SPTBN1: variants seen among roughly 807,000 people sequenced by gnomAD.
SPTBN1 encodes the protein spectrin beta, non-erythrocytic 1, also known as spectrin beta chain, non-erythrocytic 1.
SPTBN1 carries 32 observed loss-of-function variants against 266.4 expected under a neutral mutation model. The ratio of observed to expected loss-of-function variants is 0.12; its 90% CI spans 0.09 to 0.16. The LOEUF (loss-of-function observed/expected upper bound fraction) is 0.16. SPTBN1 is among the 10% of genes least tolerant of loss of function. The probability of loss-of-function intolerance (pLI) is 1.00; values close to 1 mark genes in which losing one functional copy is unlikely to be tolerated. For missense variants in SPTBN1, 2,296 were observed against 3,067.1 expected, an observed-to-expected ratio of 0.75 and a Z score of 5.94; for synonymous variants, 1,336 against 1,162.2, an observed-to-expected ratio of 1.15 and a Z score of -3.04.
chr2:54,625,884 C>A, intron 11 of SPTBN1, 48 bp from the exon 12 acceptor site: 1 of 1,571,682 alleles, frequency 6.4e-7, no homozygotes, highest in Non-Finnish European at 8.6e-7. Flanking sequence ...AGCTACTGTG[C>A]CCGGGTGGAT....
intron 30 of SPTBN1, among the ~76,000 whole-genome samples, chr2:54,658,363 T>A (rs1045216418): frequency 5.9e-5 from 9 of 152,166 alleles, no homozygotes; most frequent in South Asian, 2.1e-4. Flanking sequence ...AAAGCTTTGT[T>A]CTCAAGGGGG....
intron 24 of SPTBN1, 151 bp from the exon 25 acceptor site, chr2:54,648,835 T>A: frequency 1.3e-6 from 1 of 769,244 alleles, no homozygotes; most frequent in Non-Finnish European, 2.0e-6. Context: ...TTTCAGAATT[T>A]TATTTTTCAT....
chr2:54,524,016 T>G (rs561916939), intron 1 of SPTBN1, among the ~76,000 whole-genome samples: 170 of 152,172 alleles, frequency 1.1e-3, no homozygotes, highest in Middle Eastern at 3.4e-3. Flanking sequence ...CTGGCCAATA[T>G]AGTGAAACCC....
At chr2:54,619,492 G>A (rs958993191) in intron 7 of SPTBN1, among the ~76,000 whole-genome samples, 7 of 152,142 alleles carry the variant, frequency 4.6e-5, no homozygotes, top group African/African-American at 1.7e-4. Flanking sequence ...AGTATGAAAA[G>A]GGGGATTGAT....
Position 54,637,110 on chromosome 2 carries a change from C to A in SPTBN1, c.3768-603C>A, listed in dbSNP as rs758561528. Among the ~76,000 whole-genome samples, 11 of 152,300 alleles carry A rather than the reference C, an allele frequency of 7.2e-5. No individual in the cohort carries two copies. The South Asian group carries it at 2.1e-3, about 29-fold the overall frequency. Reference sequence around the variant, plus strand: ...ATTCAGCAGCTCTTTCCAGTTCTTACAAGTTATTTATTTAAGGTTTTGTGT... The same window carrying A: ...ATTCAGCAGCTCTTTCCAGTTCTTAAAAGTTATTTATTTAAGGTTTTGTGT... On this transcript the variant is annotated intron_variant, in intron 17 of 35. Coordinates refer to ENST00000356805, the MANE Select transcript of SPTBN1 (RefSeq NM_003128.3).
chr2:54,494,892 A>T (rs866477373), intron 1 of SPTBN1, among the ~76,000 whole-genome samples: 1 of 146,894 alleles, frequency 6.8e-6, no homozygotes, highest in African/African-American at 2.6e-5. Context: ...TATATCAGTT[A>T]TACCTGAATA....
Position 54,646,355 on chromosome 2 carries a change from G to A in SPTBN1, c.4746G>A (p.Glu1582=). The change falls in exon 23 of 36, where the codon GAG becomes GAA. Residue 1582 remains glutamate, a synonymous_variant. Coordinates refer to ENST00000356805, the MANE Select transcript of SPTBN1 (RefSeq NM_003128.3). The surrounding 1 kb of genome is among the most constrained non-coding windows in gnomAD (Gnocchi z 4.4). ...GGGGTCTCCTCATTGAGGAGACAGA[G>A]AAACGCCACAGGCGGCTGGAGGAGG... ...QLWGLLIEET[E]KRHRRLEEAH... The A allele has an allele frequency of 1.9e-6, 3 of 1,613,978 alleles. No individual in the cohort carries two copies.
chr2:54,661,038 C>T (rs532701301), intron 32 of SPTBN1: 14 of 985,360 alleles, frequency 1.4e-5, no homozygotes, highest in East Asian at 1.1e-4. Context: ...TGCCTGGGAG[C>T]GCTCGCATGC....
At chr2:54,564,734 T>TGGGG (rs969952979) in intron 2 of SPTBN1, among the ~76,000 whole-genome samples, 1 of 152,218 alleles carries the variant, frequency 6.6e-6, no homozygotes, top group Admixed American at 6.5e-5. Context: ...TCCAGGAGGT[T>TGGGG]GGGGAGGTCA....
intron 18 of SPTBN1, among the ~76,000 whole-genome samples, chr2:54,642,561 AAG>A (rs1473983108): frequency 2.0e-5 from 3 of 150,850 alleles, no homozygotes; most frequent in African/African-American, 4.9e-5. Flanking sequence ...AAAAAGAACT[AAG>A]AGAGTAAGAA....
intron 1 of SPTBN1, among the ~76,000 whole-genome samples, chr2:54,473,853 C>G (rs1386526798): frequency 6.6e-6 from 1 of 152,236 alleles, no homozygotes; most frequent in Non-Finnish European, 1.5e-5. Context: ...GTCTCCTCGT[C>G]TGTATGCCTT....
At position 54,623,557 on chromosome 2, in the gene SPTBN1, C is replaced by T. The variant is rs140324630; in HGVS notation, c.1143C>T (p.Tyr381=). 1.0e-4 allele frequency: 168 copies of T among 1,614,204 alleles called. No homozygotes were observed. In the African/African-American group the frequency reaches 2.0e-3, roughly 19 times the overall value. Residue 381 remains tyrosine (Y), a synonymous_variant, in exon 10 of 36, where the codon TAC becomes TAT. Coordinates refer to ENST00000356805, the MANE Select transcript of SPTBN1 (RefSeq NM_003128.3). The part of the protein sequence containing the change: ...SKMRANNQKV[Y]MPREGKLISD... The stretch of plus-strand genomic sequence containing the variant: ...TGAGGGCCAACAACCAGAAGGTCTA[C>T]ATGCCCCGGGAGGGGAAGCTCATCT...
Position 54,668,756 on chromosome 2 carries a change from T to TA in SPTBN1, c.*188dup, listed in dbSNP as rs575796322. On this transcript the variant is annotated 3_prime_UTR_variant, in exon 36 of 36. Transcript: ENST00000356805. ...ACACCTAAACACTTTATCTCCAAGTTACAAAAGTTTGAGGTGCAGAGGGAA... is the reference window on the plus strand; with the variant it reads ...ACACCTAAACACTTTATCTCCAAGTTAACAAAAGTTTGAGGTGCAGAGGGAA... 269 of 576,760 alleles carry TA rather than the reference T, an allele frequency of 4.7e-4. 1 individual carries two copies. In the Admixed American group the frequency reaches 8.0e-3, roughly 17 times the overall value. 35.7% of individuals were successfully genotyped at this position (576,760 alleles called of 1,614,324 possible).
chr2:54,537,099 C>G (rs565979911), intron 2 of SPTBN1, among the ~76,000 whole-genome samples: 1 of 152,286 alleles, frequency 6.6e-6, no homozygotes, highest in African/African-American at 2.4e-5. Context: ...CCTGAAAAAT[C>G]TATGTGACAG....
At chr2:54,595,646 C>A (rs72920525) in intron 2 of SPTBN1, among the ~76,000 whole-genome samples, 1,609 of 152,336 alleles carry the variant, frequency 0.011, 33 homozygotes, top group African/African-American at 0.035. Context: ...GCCATTTCTG[C>A]TGCCTTCGAG....
At chr2:54,510,226 G>A (rs1201108496) in intron 1 of SPTBN1, among the ~76,000 whole-genome samples, 2 of 152,058 alleles carry the variant, frequency 1.3e-5, no homozygotes, top group Non-Finnish European at 2.9e-5. Context: ...GATTATAGGC[G>A]TGAGCCACTG....
At chr2:54,667,670 C>G in intron 35 of SPTBN1, 24 bp downstream of exon 35, 1 of 1,609,356 alleles carries the variant, frequency 6.2e-7, no homozygotes, top group East Asian at 2.2e-5. Flanking sequence ...TGTTATTTCT[C>G]TCCACTACTT....
At chr2:54,515,886 T>C (rs34429083) in intron 1 of SPTBN1, 22,246 of 152,082 alleles carry the variant, frequency 0.15, 1,709 homozygotes, top group Middle Eastern at 0.2. Context: ...AGATACATTA[T>C]ATATCTATGC....
intron 1 of SPTBN1, among the ~76,000 whole-genome samples, chr2:54,481,313 C>CT (rs771265549): frequency 2.0e-5 from 3 of 152,024 alleles, no homozygotes; most frequent in African/African-American, 4.8e-5. Flanking sequence ...CTTTGGAACT[C>CT]TATCAGCAGT....
Sources: gnomAD v4.1 joint callset for allele counts (sites outside exome capture counted in the v4.1 genomes callset) on GRCh38, gnomAD v4.1.1 for gene constraint, Gnocchi (gnomAD v3.1) non-coding constraint, MANE v1.5 for transcripts, NCBI Gene and HGNC (gene_info 2026-07-23, HGNC 2026-07-21) for gene names.